The following MINDY4 variants were observed in gnomAD, a reference collection of about 807,000 sequenced individuals.
The protein encoded by MINDY4 is probable ubiquitin carboxyl-terminal hydrolase MINDY-4.
In MINDY4, 68 loss-of-function variants were observed where a neutral mutation model predicts 87.0. The observed-to-expected ratio is 0.78, with a 90% CI of 0.64 to 0.96. MINDY4 has a LOEUF of 0.96. MINDY4 is among the 40% of genes least tolerant of loss of function. MINDY4 has a pLI of 0.00. For missense variants in MINDY4, 919 were observed against 928.2 expected (o/e 0.99, Z 0.13); for synonymous variants, 379 against 363.2 (o/e 1.04, Z -0.50).
intron 14 of MINDY4, among the ~76,000 whole-genome samples, chr7:30,874,530 G>A (rs10238355): frequency 0.13 from 20,118 of 152,242 alleles, 3,240 homozygotes; most frequent in African/African-American, 0.38. Context: ...GGCATGGGTT[G>A]CAGGTGACTG....
At chr7:30,810,898 T>C (rs1303399284) in intron 5 of MINDY4, among the ~76,000 whole-genome samples, 1 of 152,178 alleles carries the variant, frequency 6.6e-6, no homozygotes, top group East Asian at 1.9e-4. Context: ...CCAAAGACTA[T>C]AAAGTCCTCT....
rs1427475225 is a variant in MINDY4 at position 30,882,233 on chromosome 7, A to C, written c.2024A>C (p.Glu675Ala). The C allele has an allele frequency of 7.4e-6, 12 of 1,613,720 alleles. No individual in the cohort carries two copies. Among genetic ancestry groups the C allele is most frequent in the Non-Finnish European group, 9.3e-6 (11 of 1,179,798 alleles). ...TTCCCCATCTGGGTGGTTTGCAGTG[A>C]GAGCCACTTCAGCATCCTCTTTAGC... is the stretch of plus-strand genomic sequence containing the variant. ...PRFPIWVVCS[E>A]SHFSILFSLQ... Residue 675 changes from glutamate (E) to alanine (A), a missense_variant, in exon 16 of 18, where the codon GAG becomes GCG. By Grantham distance (107) the Glu-to-Ala change is moderately radical (BLOSUM62 -1). Coordinates refer to ENST00000265299, the MANE Select transcript of MINDY4 (RefSeq NM_032222.3).
In MINDY4 at chr7:30,892,008, G is replaced by C; in HGVS notation, c.*3G>C. ...ACGGCTCAGACCCCATCCTGTGACC[G>C]TTGGATGTGGGTAAACCCTGTGGTC... On this transcript the variant is annotated 3_prime_UTR_variant, in exon 18 of 18. Transcript: ENST00000265299. 2 of 1,614,078 alleles carry C rather than the reference G, an allele frequency of 1.2e-6. No homozygotes were observed. Among genetic ancestry groups the C allele is most frequent in the Non-Finnish European group, 1.7e-6 (2 of 1,179,942 alleles).
At chr7:30,863,371 G>A (rs771592103) in intron 13 of MINDY4, among the ~76,000 whole-genome samples, 5 of 152,310 alleles carry the variant, frequency 3.3e-5, no homozygotes, top group South Asian at 2.1e-4. Context: ...GTGTGTGTGC[G>A]GATGGGAGAG....
chr7:30,867,692 C>T (rs528395687), intron 13 of MINDY4, among the ~76,000 whole-genome samples: 26 of 152,270 alleles, frequency 1.7e-4, no homozygotes, highest in Admixed American at 9.8e-4. Flanking sequence ...CTGGAGGTCA[C>T]TGCTGGTGGG....
At chr7:30,786,491 G>C (rs1055390173) in intron 4 of MINDY4, 2 of 161,138 alleles carry the variant, frequency 1.2e-5, no homozygotes, top group African/African-American at 4.8e-5. Flanking sequence ...GGCAGGTGGG[G>C]TGATGTGCAT....
chr7:30,880,542 G>A (rs1198896328), intron 15 of MINDY4, among the ~76,000 whole-genome samples: 1 of 152,104 alleles, frequency 6.6e-6, no homozygotes, highest in Non-Finnish European at 1.5e-5. Flanking sequence ...TTATGCAAAG[G>A]CCTGCTCCCT....
chr7:30,889,046 G>A (rs538243354), intron 17 of MINDY4, among the ~76,000 whole-genome samples: 18 of 152,250 alleles, frequency 1.2e-4, no homozygotes, highest in African/African-American at 3.1e-4. Flanking sequence ...AGAGAGGGGC[G>A]GGGTGAAGGG....
At position 30,827,767 on chromosome 7, in the gene MINDY4, G is replaced by A. The variant is rs780215006; in HGVS notation, c.1074-912G>A. 7.4e-4 allele frequency among the ~76,000 whole-genome samples: 112 copies of A among 152,090 alleles called. 1 individual carries two copies. The highest frequency in any genetic ancestry group is 1.6e-4 in the Non-Finnish European group (11 of 68,030). On this transcript the variant is annotated intron_variant, in intron 5 of 17. Transcript: ENST00000265299. ...TGCGTCCTCTAGCTCTTCCATTCACGCCCCTTCATACATCTTCAGGAGGAA... is the reference window on the plus strand; with the variant it reads ...TGCGTCCTCTAGCTCTTCCATTCACACCCCTTCATACATCTTCAGGAGGAA...
intron 9 of MINDY4, among the ~76,000 whole-genome samples, chr7:30,841,499 GCAGGGCA>G (rs1554282341): frequency 6.6e-6 from 1 of 152,170 alleles, no homozygotes; most frequent in Non-Finnish European, 1.5e-5. Flanking sequence ...GAAAGGATTG[GCAGGGCA>G]CTGGTGGGGC....
At chr7:30,781,392 T>G (rs755345653) in intron 2 of MINDY4, 2 of 152,382 alleles carry the variant, frequency 1.3e-5, no homozygotes, top group African/African-American at 2.4e-5. Context: ...TGGTATCGTT[T>G]AATTCCAAAA....
chr7:30,868,698 G>A (rs1790011945), intron 13 of MINDY4, among the ~76,000 whole-genome samples: 2 of 152,230 alleles, frequency 1.3e-5, no homozygotes, highest in Admixed American at 1.3e-4. Flanking sequence ...TCTTGATACA[G>A]CGTAGTATCT....
intron 5 of MINDY4, among the ~76,000 whole-genome samples, chr7:30,804,045 T>C (rs1320285486): frequency 6.6e-6 from 1 of 152,208 alleles, no homozygotes; most frequent in Admixed American, 6.5e-5. Flanking sequence ...TCATGACTCT[T>C]GGGCTGGTTT....
intron 13 of MINDY4, among the ~76,000 whole-genome samples, chr7:30,870,041 A>ATC (rs144766311): frequency 5.3e-5 from 8 of 151,800 alleles, no homozygotes; most frequent in Non-Finnish European, 1.0e-4. Flanking sequence ...ACTCCTTGGC[A>ATC]TCTCTCTCTC....
chr7:30,859,003 G>A (rs1328229394), intron 12 of MINDY4: 1 of 698,918 alleles, frequency 1.4e-6, no homozygotes, highest in Non-Finnish European at 2.7e-6. Context: ...TGAGTTTTGA[G>A]GACTCTGAGG....
intron 13 of MINDY4, among the ~76,000 whole-genome samples, chr7:30,869,955 C>T (rs1480444507): frequency 6.6e-6 from 1 of 152,208 alleles, no homozygotes; most frequent in Non-Finnish European, 1.5e-5. Flanking sequence ...GAGAATTCCC[C>T]TATTCCCCTA....
Position 30,778,422 on chromosome 7 carries a change from C to T in MINDY4, c.64-10C>T. 1.2e-6 allele frequency: 2 copies of T among 1,614,232 alleles called. No individual in the cohort carries two copies. The highest frequency in any genetic ancestry group is 1.7e-6 in the Non-Finnish European group (2 of 1,180,036). Reference sequence around the variant, plus strand: ...AGATGGTAAACAGCGATTCAGCTTTCTTCCCTCAGGGCTTAAAGAAGACAT... The same window carrying T: ...AGATGGTAAACAGCGATTCAGCTTTTTTCCCTCAGGGCTTAAAGAAGACAT... On this transcript the variant is annotated splice_polypyrimidine_tract_variant and intron_variant, in intron 1 of 17. Transcript: ENST00000265299.
At chr7:30,845,041 G>T (rs1789161066) in intron 9 of MINDY4, among the ~76,000 whole-genome samples, 1 of 152,186 alleles carries the variant, frequency 6.6e-6, no homozygotes, top group Non-Finnish European at 1.5e-5. Context: ...GCAGAACCAA[G>T]ACTGGCACCT....
At chr7:30,830,650 T>A (rs1158793803) in intron 6 of MINDY4, among the ~76,000 whole-genome samples, 1 of 152,152 alleles carries the variant, frequency 6.6e-6, no homozygotes, top group Non-Finnish European at 1.5e-5. Flanking sequence ...ACCGCCCCCA[T>A]GATTCAATTA....
Sources: allele counts gnomAD v4.1 joint callset (sites outside exome capture counted in the v4.1 genomes callset), GRCh38; gene constraint gnomAD v4.1.1; transcripts MANE v1.5; gene names NCBI Gene and HGNC (gene_info 2026-07-23, HGNC 2026-07-21).